TTLL7: variants seen among roughly 807,000 people sequenced by gnomAD.
The protein encoded by TTLL7 is tubulin polyglutamylase TTLL7.
Under a neutral mutation model 120.2 loss-of-function variants are expected in TTLL7, and 53 were observed. That is an observed-to-expected ratio of 0.44 (90% confidence interval 0.35 to 0.55). The LOEUF (loss-of-function observed/expected upper bound fraction) is 0.55, where lower values mean the gene tolerates loss of function less well. Ranked by LOEUF, TTLL7 falls within the 20% of genes least tolerant of loss-of-function variation. The pLI, the probability that TTLL7 is intolerant of heterozygous loss-of-function variation, is 0.00. For synonymous variants in TTLL7, 353 were observed against 351.7 expected (o/e 1.00, Z -0.04); for missense variants, 803 against 1,054.7 (o/e 0.76, Z 3.31).
chr1:83,907,097 C>T (rs997112592), intron 16 of TTLL7, among the ~76,000 whole-genome samples: 6 of 151,864 alleles, frequency 4.0e-5, no homozygotes, highest in Non-Finnish European at 8.8e-5. Flanking sequence ...ATCAACTGTC[C>T]CATTAAGTAA....
chr1:83,932,402 TC>T lies in TTLL7; in HGVS notation c.1047+1205del, dbSNP rs1245052595. On this transcript the variant is annotated intron_variant, in intron 9 of 20. Coordinates refer to ENST00000260505, the MANE Select transcript of TTLL7 (RefSeq NM_024686.6). ...TAGTGCATAGTCAAGTGTTTTCATA[TC>T]CAAGGAACGGAGGAAGCAAAGGATA... Among the ~76,000 whole-genome samples, 3 of 152,122 alleles carry T rather than the reference TC, an allele frequency of 2.0e-5. No homozygotes were observed. The East Asian group carries it at 5.8e-4, about 29-fold the overall frequency.
At chr1:83,961,895 T>C (rs571380706) in intron 1 of TTLL7, among the ~76,000 whole-genome samples, 4 of 152,254 alleles carry the variant, frequency 2.6e-5, no homozygotes, top group African/African-American at 9.6e-5. Context: ...TGCAAAGAAC[T>C]ATACCAAACC....
intron 1 of TTLL7, among the ~76,000 whole-genome samples, chr1:83,993,415 G>A (rs1653182989): frequency 6.6e-6 from 1 of 152,190 alleles, no homozygotes; most frequent in South Asian, 2.1e-4. Context: ...CGTTGAATTA[G>A]ACATGGCGCC....
chr1:83,928,939 T>C (rs528075776), intron 10 of TTLL7, among the ~76,000 whole-genome samples, 197 bp downstream of exon 10: 12 of 151,528 alleles, frequency 7.9e-5, no homozygotes, highest in African/African-American at 2.7e-4. Flanking sequence ...GTTTAAAGAA[T>C]AGATGGAATC....
chr1:83,890,576 T>C, intron 18 of TTLL7, 95 bp from the exon 19 acceptor site: 1 of 989,828 alleles, frequency 1.0e-6, no homozygotes, highest in Non-Finnish European at 1.5e-6. Context: ...CAGACCAGCC[T>C]GGGCAATATA....
intron 14 of TTLL7, among the ~76,000 whole-genome samples, chr1:83,916,935 GA>G (rs921861960): frequency 2.6e-5 from 4 of 151,734 alleles, no homozygotes; most frequent in Non-Finnish European, 5.9e-5. Flanking sequence ...TTAAAAAAAA[GA>G]AGAATTTTTT....
At position 83,878,529 on chromosome 1, in the gene TTLL7, C is replaced by T. The variant is rs1350109755; in HGVS notation, c.2543+4434G>A. On this transcript the variant is annotated intron_variant, in intron 20 of 20. Transcript: ENST00000260505. ...ACTCCTATTTTATCCCCTAGGCCCA[C>T]ACAACTGTCAAAAGCACTGCTCAGC... Among the ~76,000 whole-genome samples, 4 of 152,044 alleles carry T rather than the reference C, an allele frequency of 2.6e-5. No homozygotes were observed. The East Asian group carries it at 7.7e-4, about 29-fold the overall frequency.
rs922949899 is a variant in TTLL7 at position 83,951,788 on chromosome 1, C to T, written c.157+57G>A. ...TGGATTTCTACATTGTTTTTAACAC[C>T]AAATCAGTTTTTCCAGCAATTATGA... On this transcript the variant is annotated intron_variant, in intron 3 of 20. Coordinates refer to ENST00000260505, the MANE Select transcript of TTLL7 (RefSeq NM_024686.6). The T allele has an allele frequency of 1.5e-5, 23 of 1,539,118 alleles. No individual in the cohort carries two copies. The African/African-American group carries it at 2.8e-4, about 19-fold the overall frequency.
intron 16 of TTLL7, 72 bp from the exon 17 acceptor site, chr1:83,906,535 T>G: frequency 1.3e-6 from 2 of 1,599,460 alleles, no homozygotes; most frequent in Non-Finnish European, 1.7e-6. Flanking sequence ...TGAAAGATAT[T>G]TCTAGGTAAA....
At chr1:83,923,634 T>C (rs1658866652) in intron 10 of TTLL7, among the ~76,000 whole-genome samples, 1 of 152,130 alleles carries the variant, frequency 6.6e-6, no homozygotes, top group South Asian at 2.1e-4. Context: ...GACATTGTTT[T>C]GTATAAAGGA....
chr1:83,933,225 T>C (rs1055778288), intron 9 of TTLL7, among the ~76,000 whole-genome samples: 3 of 151,994 alleles, frequency 2.0e-5, no homozygotes, highest in Admixed American at 2.0e-4. Context: ...GGAGACACAC[T>C]GAAGGCAAGA....
Position 83,925,324 on chromosome 1 carries a change from C to A in TTLL7, c.1142+3812G>T, listed in dbSNP as rs181030209. Among the ~76,000 whole-genome samples the A allele has an allele frequency of 7.9e-5, 12 of 152,280 alleles. No homozygotes were observed. The East Asian group carries it at 2.3e-3, about 29-fold the overall frequency. On this transcript the variant is annotated intron_variant, in intron 10 of 20. Transcript: ENST00000260505. ...CCTCTTTCTCACCTATAATCTTCAT[C>A]CCAATGAATGGCACATCATCAGACA...
intron 1 of TTLL7, among the ~76,000 whole-genome samples, chr1:83,969,167 G>A (rs1318813311): frequency 6.6e-6 from 1 of 151,514 alleles, no homozygotes; most frequent in Non-Finnish European, 1.5e-5. Context: ...TTTACTTTTG[G>A]TAAAGTGACC....
Position 83,906,065 on chromosome 1 carries a change from C to T in TTLL7, c.2127+264G>A, listed in dbSNP as rs529358489. On this transcript the variant is annotated intron_variant, in intron 17 of 20. Transcript: ENST00000260505. ...AATTATTTAACACTAATTATTCTGA[C>T]TTGATGAAGCAGACTTATCATTAAA... Among the ~76,000 whole-genome samples, 15 of 152,088 alleles carry T rather than the reference C, an allele frequency of 9.9e-5. No homozygotes were observed. The East Asian group carries it at 2.7e-3, about 27-fold the overall frequency.
intron 14 of TTLL7, chr1:83,912,513 C>G (rs1187452970): frequency 2.6e-5 from 4 of 152,096 alleles, no homozygotes. Flanking sequence ...TCTGTTAAAT[C>G]AAACAAAAAT....
intron 1 of TTLL7, among the ~76,000 whole-genome samples, chr1:83,985,339 G>C (rs955216689): frequency 3.9e-5 from 6 of 152,210 alleles, no homozygotes; most frequent in African/African-American, 1.4e-4. Context: ...GCTGGAGAAA[G>C]AAGGCAGCCA....
intron 15 of TTLL7, among the ~76,000 whole-genome samples, chr1:83,908,334 A>AC (rs1427989759): frequency 6.6e-6 from 1 of 151,960 alleles, no homozygotes; most frequent in Non-Finnish European, 1.5e-5. Context: ...TGAGAAAAAA[A>AC]ACAGTAATAA....
At chr1:83,990,228 T>G (rs998741241) in intron 1 of TTLL7, among the ~76,000 whole-genome samples, 1 of 145,732 alleles carries the variant, frequency 6.9e-6, no homozygotes, top group African/African-American at 2.5e-5. Flanking sequence ...GACTGCGGAC[T>G]GCAGTGGCGC....
rs1259132087 is a variant in TTLL7, at chr1:83,917,707, A to G, written c.1501-17T>C. On this transcript the variant is annotated splice_polypyrimidine_tract_variant and intron_variant, in intron 13 of 20. Coordinates refer to ENST00000260505, the MANE Select transcript of TTLL7 (RefSeq NM_024686.6). ...ATCTTCTTCCTTCAAAAAATATTCT[A>G]ATTAAAATTACAACCACTAATGGAC... 6.4e-7 allele frequency: 1 copy of G among 1,561,834 alleles called. No homozygotes were observed.
Sources: allele counts gnomAD v4.1 joint callset (sites outside exome capture counted in the v4.1 genomes callset), GRCh38; gene constraint gnomAD v4.1.1; transcripts MANE v1.5; gene names NCBI Gene and HGNC (gene_info 2026-07-23, HGNC 2026-07-21).